The following KCNJ3 variants were observed in gnomAD, a reference collection of about 807,000 sequenced individuals.
KCNJ3 encodes potassium inwardly rectifying channel subfamily J member 3, also known as G protein-activated inward rectifier potassium channel 1.
In KCNJ3, 4 loss-of-function variants were observed where a neutral mutation model predicts 39.2. The ratio of observed to expected loss-of-function variants is 0.10; its 90% CI spans 0.05 to 0.23. The LOEUF (loss-of-function observed/expected upper bound fraction) is 0.23. Among genes scored for constraint, KCNJ3 ranks in the 10% least tolerant of loss-of-function variants. The pLI, the probability that KCNJ3 is intolerant of heterozygous loss-of-function variation, is 1.00. For synonymous variants in KCNJ3, 230 were observed against 237.4 expected (o/e 0.97, Z 0.29); for missense variants, 276 against 634.9 (o/e 0.43, Z 6.08).
intron 2 of KCNJ3, among the ~76,000 whole-genome samples, chr2:154,810,255 T>C (rs1008038268): frequency 6.6e-6 from 1 of 152,144 alleles, no homozygotes; most frequent in Non-Finnish European, 1.5e-5. Context: ...ACTAATTTTT[T>C]GTATTTTTTG....
At chr2:154,794,117 TATATTCTATAA>T (rs1271187479) in intron 2 of KCNJ3, among the ~76,000 whole-genome samples, 2 of 151,940 alleles carry the variant, frequency 1.3e-5, no homozygotes, top group Admixed American at 1.3e-4. Context: ...ATCAGATTAA[TATATTCTATAA>T]TTTTATGTCT....
At chr2:154,755,325 T>G (rs75569471) in intron 2 of KCNJ3, among the ~76,000 whole-genome samples, 3,813 of 152,140 alleles carry the variant, frequency 0.025, 89 homozygotes, top group Non-Finnish European at 0.032. Context: ...CTTACATTAA[T>G]GAGTCTTTTT....
intron 2 of KCNJ3, among the ~76,000 whole-genome samples, chr2:154,770,956 T>C (rs1417564331): frequency 2.7e-5 from 4 of 147,102 alleles, no homozygotes; most frequent in African/African-American, 1.0e-4. Flanking sequence ...AGTGGCACAA[T>C]TGCAGCTCAC....
intron 2 of KCNJ3, among the ~76,000 whole-genome samples, chr2:154,843,759 A>C (rs1191684190): frequency 6.6e-6 from 1 of 152,170 alleles, no homozygotes; most frequent in African/African-American, 2.4e-5. Flanking sequence ...TGTGTCACGA[A>C]GTTCTCATGC....
chr2:154,823,737 C>T (rs1464692371), intron 2 of KCNJ3, among the ~76,000 whole-genome samples: 1 of 152,140 alleles, frequency 6.6e-6, no homozygotes, highest in African/African-American at 2.4e-5. Context: ...CCTGTTATCA[C>T]AATATTTATA....
intron 2 of KCNJ3, among the ~76,000 whole-genome samples, chr2:154,807,160 T>TTGAATAG (rs2105098172): frequency 6.6e-6 from 1 of 152,320 alleles, no homozygotes; most frequent in South Asian, 2.1e-4. Flanking sequence ...TGGAAGCTCC[T>TTGAATAG]TGAATAGTGG....
intron 2 of KCNJ3, among the ~76,000 whole-genome samples, chr2:154,811,586 C>T (rs564858953): frequency 3.3e-5 from 5 of 152,258 alleles, no homozygotes; most frequent in Admixed American, 3.3e-4. Flanking sequence ...ACCACTGTGC[C>T]CGGCCCAATC....
chr2:154,837,734 G>A lies in KCNJ3; in HGVS notation c.920-16993G>A, dbSNP rs934264250. ...TAAGAAGCTTACTGTAATCTGAAATGTGTCTGTAACTGCAGTGAATTATAA... is the reference window on the plus strand; with the variant it reads ...TAAGAAGCTTACTGTAATCTGAAATATGTCTGTAACTGCAGTGAATTATAA... On this transcript the variant is annotated intron_variant, in intron 2 of 2. Transcript: ENST00000295101. Among the ~76,000 whole-genome samples the A allele has an allele frequency of 7.9e-5, 12 of 152,274 alleles. No homozygotes were observed. The East Asian group carries it at 2.3e-3, about 29-fold the overall frequency.
chr2:154,845,647 C>CTGT (rs1371721464), intron 2 of KCNJ3, among the ~76,000 whole-genome samples: 1 of 152,082 alleles, frequency 6.6e-6, no homozygotes. Context: ...GACATTTCCA[C>CTGT]TGTTAGGTTA....
At position 154,699,570 on chromosome 2, in the gene KCNJ3, T is replaced by TG; in HGVS notation, c.702+95dup. On this transcript the variant is annotated intron_variant, in intron 1 of 2. Transcript: ENST00000295101. This position sits in a 1 kb window ranked among gnomAD's most constrained non-coding sequence, Gnocchi z 6.4. ...GAGAACCAGCCCGGGCCCCCTCCCC[T>TG]GGTTCTACCTATAGCCACAGGTAAA... 6.8e-7 allele frequency: 1 copy of TG among 1,469,958 alleles called. No homozygotes were observed. Among genetic ancestry groups the TG allele is most frequent in the East Asian group, 2.5e-5 (1 of 40,294 alleles). The allele number at this position is 1,469,958 out of a possible 1,614,324, so 91.1% of individuals were successfully genotyped here.
At chr2:154,761,495 A>T (rs948877394) in intron 2 of KCNJ3, among the ~76,000 whole-genome samples, 7 of 152,188 alleles carry the variant, frequency 4.6e-5, no homozygotes, top group African/African-American at 1.7e-4. Context: ...GCTTACTGTG[A>T]TGCTGATTAG....
intron 2 of KCNJ3, among the ~76,000 whole-genome samples, chr2:154,810,733 A>C (rs1686995358): frequency 6.6e-6 from 1 of 152,208 alleles, no homozygotes; most frequent in Non-Finnish European, 1.5e-5. Flanking sequence ...ATGAAACCAA[A>C]ATTCATTAGC....
intron 2 of KCNJ3, among the ~76,000 whole-genome samples, chr2:154,836,219 C>CA (rs367802062): frequency 3.6e-4 from 43 of 118,680 alleles, no homozygotes; most frequent in African/African-American, 7.4e-4. Flanking sequence ...AAAAAAAAAA[C>CA]AAAAAAAAAC....
intron 2 of KCNJ3, among the ~76,000 whole-genome samples, chr2:154,727,211 C>A (rs1309228102): frequency 6.6e-6 from 1 of 152,106 alleles, no homozygotes; most frequent in Non-Finnish European, 1.5e-5. Context: ...CTTAACAATA[C>A]TTTTAACTTT....
chr2:154,751,686 A>C (rs749794515), intron 2 of KCNJ3, among the ~76,000 whole-genome samples: 2 of 152,098 alleles, frequency 1.3e-5, no homozygotes, highest in Non-Finnish European at 2.9e-5. Flanking sequence ...TGTCTTAATA[A>C]AGTACCGAAC....
At chr2:154,771,749 C>T (rs1024633022) in intron 2 of KCNJ3, among the ~76,000 whole-genome samples, 2 of 152,190 alleles carry the variant, frequency 1.3e-5, no homozygotes, top group African/African-American at 2.4e-5. Flanking sequence ...GAGGCAAATA[C>T]ACTCTGGGAA....
chr2:154,745,071 T>C (rs1269560524), intron 2 of KCNJ3, among the ~76,000 whole-genome samples: 1 of 151,978 alleles, frequency 6.6e-6, no homozygotes, highest in Non-Finnish European at 1.5e-5. Flanking sequence ...TTTGATTCCA[T>C]TGTGTTCAGG....
intron 2 of KCNJ3, among the ~76,000 whole-genome samples, chr2:154,769,780 C>T (rs1160570746): frequency 1.3e-5 from 2 of 151,886 alleles, no homozygotes; most frequent in Non-Finnish European, 2.9e-5. Context: ...CCTCTTTGTA[C>T]CTCTTCTTTA....
At chr2:154,762,213 A>G (rs1327614573) in intron 2 of KCNJ3, among the ~76,000 whole-genome samples, 1 of 152,232 alleles carries the variant, frequency 6.6e-6, no homozygotes, top group African/African-American at 2.4e-5. Flanking sequence ...ATTTTTTTAC[A>G]GCAATAATAG....
Sources: gnomAD v4.1 joint callset for allele counts (sites outside exome capture counted in the v4.1 genomes callset) on GRCh38, gnomAD v4.1.1 for gene constraint, Gnocchi (gnomAD v3.1) non-coding constraint, MANE v1.5 for transcripts, NCBI Gene and HGNC (gene_info 2026-07-23, HGNC 2026-07-21) for gene names.